The following GYPC variants were observed in gnomAD, a reference collection of about 807,000 sequenced individuals.
GYPC encodes glycophorin C (Gerbich blood group).
In GYPC, 14 loss-of-function variants were observed where a neutral mutation model predicts 12.6. The ratio of observed to expected loss-of-function variants is 1.11; its 90% CI spans 0.74 to 1.74. The LOEUF (loss-of-function observed/expected upper bound fraction) is 1.74, where lower values mean the gene tolerates loss of function less well. GYPC is among the 40% of genes most tolerant of loss of function. The pLI, the probability that GYPC is intolerant of heterozygous loss-of-function variation, is 0.00. For synonymous variants in GYPC, 78 were observed against 62.1 expected (o/e 1.26, Z -1.20); for missense variants, 225 against 172.1 (o/e 1.31, Z -1.72).
chr2:126,660,439 G>A (rs987885611), intron 1 of GYPC, among the ~76,000 whole-genome samples: 8 of 152,072 alleles, frequency 5.3e-5, no homozygotes, highest in South Asian at 4.1e-4. Context: ...TCAACACGCC[G>A]CGGGCCTGGC....
intron 1 of GYPC, among the ~76,000 whole-genome samples, chr2:126,660,460 C>A (rs1682505810): frequency 4.6e-5 from 7 of 152,358 alleles, no homozygotes; most frequent in Admixed American, 4.6e-4. Context: ...ACACACTCAC[C>A]TGCTGGTCTG....
intron 3 of GYPC, among the ~76,000 whole-genome samples, chr2:126,695,211 A>G (rs1573582740): frequency 1.3e-5 from 2 of 152,226 alleles, no homozygotes; most frequent in South Asian, 4.1e-4. Flanking sequence ...GTGTACATAG[A>G]GCAACCAGCT....
At chr2:126,666,457 C>T (rs1682681120) in intron 1 of GYPC, among the ~76,000 whole-genome samples, 1 of 152,208 alleles carries the variant, frequency 6.6e-6, no homozygotes, top group Admixed American at 6.5e-5. Flanking sequence ...ATACTAGTCT[C>T]CCTCTTTTGC....
intron 1 of GYPC, among the ~76,000 whole-genome samples, chr2:126,688,246 C>G (rs6713073): frequency 0.23 from 35,116 of 152,056 alleles, 4,386 homozygotes; most frequent in East Asian, 0.41. Context: ...TGGTCTTTAC[C>G]TGGAAAATTT....
intron 2 of GYPC, among the ~76,000 whole-genome samples, chr2:126,692,090 C>T (rs2176429): frequency 0.59 from 89,972 of 151,992 alleles, 27,127 homozygotes; most frequent in African/African-American, 0.7. Context: ...CACTTGTTCA[C>T]TCTATATAAT....
intron 3 of GYPC, among the ~76,000 whole-genome samples, chr2:126,695,570 G>A (rs759265490): frequency 6.6e-6 from 1 of 152,228 alleles, no homozygotes; most frequent in South Asian, 2.1e-4. Flanking sequence ...AGTAGAAACG[G>A]TACTTTGAAT....
At chr2:126,688,361 G>C (rs540257690) in intron 1 of GYPC, among the ~76,000 whole-genome samples, 1 of 152,296 alleles carries the variant, frequency 6.6e-6, no homozygotes, top group African/African-American at 2.4e-5. Flanking sequence ...GGTTAGAAAA[G>C]TCTAGAACTC....
At chr2:126,687,010 C>G (rs28387192) in intron 1 of GYPC, among the ~76,000 whole-genome samples, 4,129 of 152,238 alleles carry the variant, frequency 0.027, 119 homozygotes, top group African/African-American at 0.065. Flanking sequence ...TGAGCTCACT[C>G]AGCCAGTCTT....
chr2:126,660,743 CA>C (rs1300454793), intron 1 of GYPC, among the ~76,000 whole-genome samples: 1 of 152,170 alleles, frequency 6.6e-6, no homozygotes, highest in Non-Finnish European at 1.5e-5. Flanking sequence ...AGCCTTCACT[CA>C]GGAGCTCCTG....
At chr2:126,660,798 T>A (rs1479116394) in intron 1 of GYPC, among the ~76,000 whole-genome samples, 1 of 152,134 alleles carries the variant, frequency 6.6e-6, no homozygotes, top group South Asian at 2.1e-4. Context: ...AATACTAAGT[T>A]GAAATGGACA....
In GYPC at chr2:126,656,200, C is replaced by A; in HGVS notation, c.-64C>A. The A allele has an allele frequency of 6.5e-7, 1 of 1,545,700 alleles. No homozygotes were observed. The highest frequency in any genetic ancestry group is 8.7e-7 in the Non-Finnish European group (1 of 1,146,702). On this transcript the variant is annotated 5_prime_UTR_variant, in exon 1 of 4. Coordinates refer to ENST00000259254, the MANE Select transcript of GYPC (RefSeq NM_002101.5). ...TCAGGAGCCCGGGAGCGCGACCCTC[C>A]CCCGGCCCGGCCTGGCCCGGCCTGG...
intron 2 of GYPC, among the ~76,000 whole-genome samples, chr2:126,692,154 T>G (rs1282391950): frequency 6.6e-6 from 1 of 152,180 alleles, no homozygotes; most frequent in Admixed American, 6.6e-5. Flanking sequence ...GTCTTGCTAC[T>G]GAGAAACACC....
At chr2:126,670,098 G>A (rs28387130) in intron 1 of GYPC, among the ~76,000 whole-genome samples, 35,671 of 152,134 alleles carry the variant, frequency 0.23, 5,082 homozygotes, top group Non-Finnish European at 0.33. Context: ...AATTCCCTGC[G>A]TGTGAGGCCC....
chr2:126,662,397 G>A (rs893374003), intron 1 of GYPC, among the ~76,000 whole-genome samples: 8 of 152,150 alleles, frequency 5.3e-5, no homozygotes, highest in African/African-American at 1.9e-4. Flanking sequence ...TTCCCCTTCT[G>A]TATTTTTTCT....
chr2:126,684,048 A>T (rs115929397), intron 1 of GYPC, among the ~76,000 whole-genome samples: 1 of 152,264 alleles, frequency 6.6e-6, no homozygotes, highest in African/African-American at 2.4e-5. Context: ...ATAAGACCGG[A>T]TAAGGGTTAG....
intron 1 of GYPC, among the ~76,000 whole-genome samples, chr2:126,682,802 C>A (rs1236034367): frequency 6.6e-6 from 1 of 152,176 alleles, no homozygotes; most frequent in African/African-American, 2.4e-5. Context: ...GCCTGCTGAC[C>A]CCAGACACCC....
intron 1 of GYPC, among the ~76,000 whole-genome samples, chr2:126,660,002 CG>C (rs1031735234): frequency 6.6e-6 from 1 of 152,138 alleles, no homozygotes; most frequent in Non-Finnish European, 1.5e-5. Flanking sequence ...ACCAGAGGCT[CG>C]GGGGAGATAA....
At chr2:126,681,261 C>T (rs1320919182) in intron 1 of GYPC, among the ~76,000 whole-genome samples, 2 of 152,166 alleles carry the variant, frequency 1.3e-5, no homozygotes, top group Admixed American at 6.6e-5. Flanking sequence ...GTTTTCTTCA[C>T]TTAACATCAA....
At chr2:126,670,280 G>A (rs958580108) in intron 1 of GYPC, among the ~76,000 whole-genome samples, 1 of 152,188 alleles carries the variant, frequency 6.6e-6, no homozygotes, top group African/African-American at 2.4e-5. Flanking sequence ...GCCCTTCTGG[G>A]ACACCCCGAT....
Sources: gnomAD v4.1 joint callset for allele counts (sites outside exome capture counted in the v4.1 genomes callset) on GRCh38, gnomAD v4.1.1 for gene constraint, MANE v1.5 for transcripts, NCBI Gene and HGNC (gene_info 2026-07-23, HGNC 2026-07-21) for gene names.